Variants in CWC22 observed in about 807,000 individuals in gnomAD.
The protein encoded by CWC22 is pre-mRNA-splicing factor CWC22 homolog.
In CWC22, 53 loss-of-function variants were observed where a neutral mutation model predicts 117.2. The ratio of observed to expected loss-of-function variants is 0.45; its 90% CI spans 0.36 to 0.57. CWC22 has a LOEUF of 0.57. Ranked by LOEUF, CWC22 falls within the 20% of genes least tolerant of loss-of-function variation. CWC22 has a pLI of 0.00. For synonymous variants in CWC22, 360 were observed against 355.6 expected (o/e 1.01, Z -0.14); for missense variants, 980 against 1,068.8 (o/e 0.92, Z 1.16).
Position 179,955,016 on chromosome 2 carries a change from T to C in CWC22, c.1477A>G (p.Ile493Val), listed in dbSNP as rs1470056977. 1 of 1,599,850 alleles carries C rather than the reference T, an allele frequency of 6.3e-7. No homozygotes were observed. The highest frequency in any genetic ancestry group is 8.5e-7 in the Non-Finnish European group (1 of 1,172,390). The stretch of plus-strand genomic sequence containing the variant: ...CTCTGTTGGGCACAGCAATCAAGTA[T>C]CATGTTGCAGAGTTCTTTCTATTTG... ...ESQTKELCNM[I>V]LDCCAQQRTY... The change falls in exon 15 of 20, where the codon ATA becomes GTA. Residue 493 changes from isoleucine (I) to valine (V), a missense_variant. By Grantham distance (29) the Ile-to-Val change is conservative. Around this residue, in one of 3 missense-constraint regions of CWC22, gnomAD observed 559 missense variants for 602.3 expected, o/e 0.93. Coordinates refer to ENST00000410053, the MANE Select transcript of CWC22 (RefSeq NM_020943.3).
intron 1 of CWC22, among the ~76,000 whole-genome samples, chr2:179,998,264 G>A (rs1687757566): frequency 6.6e-6 from 1 of 152,134 alleles, no homozygotes; most frequent in South Asian, 2.1e-4. Context: ...ATTGGAAAGG[G>A]AAACAGAAAA....
At chr2:179,970,904 A>T in intron 9 of CWC22, 37 bp downstream of exon 9, 1 of 1,608,904 alleles carries the variant, frequency 6.2e-7, no homozygotes, top group Non-Finnish European at 8.5e-7. Context: ...AATAAATATA[A>T]TAAAAACTTA....
In CWC22 at chr2:179,973,180, G is replaced by A. The variant is rs373917429; in HGVS notation, c.804+13C>T. 2.5e-6 allele frequency: 4 copies of A among 1,577,580 alleles called. No homozygotes were observed. Among genetic ancestry groups the A allele is most frequent in the African/African-American group, 2.7e-5 (2 of 74,288 alleles). ...CCACTGAATGGGACCAAGTATTGAA[G>A]ATAATTACTTACCACATTTTGGTTA... On this transcript the variant is annotated intron_variant, in intron 8 of 19. Coordinates refer to ENST00000410053, the MANE Select transcript of CWC22 (RefSeq NM_020943.3).
chr2:179,953,878 C>T (rs563086611), intron 16 of CWC22, among the ~76,000 whole-genome samples: 1 of 152,088 alleles, frequency 6.6e-6, no homozygotes, highest in South Asian at 2.1e-4. Flanking sequence ...AAAATAGTGG[C>T]ATATGTGGAT....
At chr2:179,981,546 A>G (rs1210460516) in intron 5 of CWC22, among the ~76,000 whole-genome samples, 2 of 152,210 alleles carry the variant, frequency 1.3e-5, no homozygotes, top group African/African-American at 4.8e-5. Context: ...TCATGCAAAA[A>G]AAAGAAAAAA....
chr2:180,004,804 C>T (rs1482964857), intron 1 of CWC22, among the ~76,000 whole-genome samples: 1 of 150,104 alleles, frequency 6.7e-6, no homozygotes, highest in Non-Finnish European at 1.5e-5. Context: ...AGTGTCAGAA[C>T]TCCAAAAAGT....
intron 1 of CWC22, among the ~76,000 whole-genome samples, chr2:179,994,555 T>C (rs1687652447): frequency 6.6e-6 from 1 of 152,212 alleles, no homozygotes; most frequent in South Asian, 2.1e-4. Flanking sequence ...GCGGCTGTCA[T>C]TTAATGCAGA....
chr2:180,004,405 T>C (rs1185762151), intron 1 of CWC22, among the ~76,000 whole-genome samples: 1 of 152,158 alleles, frequency 6.6e-6, no homozygotes, highest in Admixed American at 6.5e-5. Flanking sequence ...TTCTTTTTTT[T>C]TCTTGAGACA....
intron 7 of CWC22, 32 bp downstream of exon 7, chr2:179,973,602 T>G: frequency 7.2e-7 from 1 of 1,384,276 alleles, no homozygotes. Flanking sequence ...TGTTCCTATG[T>G]ATCATTCTAC....
chr2:179,985,893 G>A (rs990377039), intron 4 of CWC22, among the ~76,000 whole-genome samples: 12 of 151,900 alleles, frequency 7.9e-5, no homozygotes, highest in African/African-American at 2.9e-4. Context: ...CATTCCCCAT[G>A]GATAAGTGGG....
At chr2:180,006,272 T>G (rs1687969709) in intron 1 of CWC22, among the ~76,000 whole-genome samples, 1 of 152,206 alleles carries the variant, frequency 6.6e-6, no homozygotes, top group Admixed American at 6.5e-5. Context: ...GAAGAATTGT[T>G]AGGATTAAAT....
At chr2:179,956,156 A>G (rs1686585703) in intron 14 of CWC22, among the ~76,000 whole-genome samples, 1 of 151,848 alleles carries the variant, frequency 6.6e-6, no homozygotes, top group African/African-American at 2.4e-5. Flanking sequence ...AAATTATATA[A>G]TTAAGTATTT....
intron 16 of CWC22, among the ~76,000 whole-genome samples, chr2:179,953,709 C>T (rs1475269382): frequency 6.6e-6 from 1 of 152,088 alleles, no homozygotes; most frequent in East Asian, 1.9e-4. Flanking sequence ...TGTTCTATGA[C>T]TATAGGATAT....
chr2:179,949,322 C>A (rs1483770242), intron 19 of CWC22, among the ~76,000 whole-genome samples: 1 of 152,044 alleles, frequency 6.6e-6, no homozygotes, highest in Admixed American at 6.6e-5. Flanking sequence ...TAAAGAAAAC[C>A]TACAAATCAA....
At chr2:179,982,297 T>C (rs1045463987) in intron 4 of CWC22, among the ~76,000 whole-genome samples, 5 of 152,114 alleles carry the variant, frequency 3.3e-5, no homozygotes, top group African/African-American at 1.2e-4. Flanking sequence ...AAGGTCAGAA[T>C]GAGTAGGACA....
At chr2:179,964,442 A>G in intron 13 of CWC22, 105 bp downstream of exon 13, 1 of 590,348 alleles carries the variant, frequency 1.7e-6, no homozygotes, top group Non-Finnish European at 3.0e-6. Flanking sequence ...GAATGCTGAA[A>G]TGGTGTCCAG....
chr2:179,948,424 TA>T (rs2105504571), intron 19 of CWC22, among the ~76,000 whole-genome samples: 1 of 152,176 alleles, frequency 6.6e-6, no homozygotes, highest in East Asian at 1.9e-4. Context: ...AGATGGATGT[TA>T]AAATTAGTGA....
At chr2:179,964,707 C>T in intron 12 of CWC22, 79 bp from the exon 13 acceptor site, 1 of 635,690 alleles carries the variant, frequency 1.6e-6, no homozygotes, top group East Asian at 2.9e-5. Context: ...ATAGCATTTT[C>T]TTCAAAAATC....
chr2:179,953,318 T>C (rs1198287424), intron 16 of CWC22, among the ~76,000 whole-genome samples: 1 of 152,136 alleles, frequency 6.6e-6, no homozygotes, highest in East Asian at 1.9e-4. Flanking sequence ...AAGTTTGAGA[T>C]ATTGCCTCAT....
Sources: allele counts gnomAD v4.1 joint callset (sites outside exome capture counted in the v4.1 genomes callset), GRCh38; gene constraint gnomAD v4.1.1; regional missense constraint gnomAD v4.1.1; transcripts MANE v1.5; gene names NCBI Gene and HGNC (gene_info 2026-07-23, HGNC 2026-07-21).